Variants in ASIC2 observed in about 807,000 individuals in gnomAD.
The protein encoded by ASIC2 is acid-sensing ion channel 2.
In ASIC2, 25 loss-of-function variants were observed where a neutral mutation model predicts 57.3. The observed-to-expected ratio is 0.44, with a 90% CI of 0.32 to 0.61. The LOEUF (loss-of-function observed/expected upper bound fraction) is 0.61. Ranked by LOEUF, ASIC2 falls within the 20% of genes least tolerant of loss-of-function variation. The probability of loss-of-function intolerance (pLI) is 0.06; values close to 1 mark genes in which losing one functional copy is unlikely to be tolerated. For missense variants in ASIC2, 641 were observed against 738.1 expected (o/e 0.87, Z 1.52); for synonymous variants, 319 against 307.5 (o/e 1.04, Z -0.39).
chr17:33,530,437 G>T (rs1264367948), intron 1 of ASIC2, among the ~76,000 whole-genome samples: 1 of 152,246 alleles, frequency 6.6e-6, no homozygotes, highest in Non-Finnish European at 1.5e-5. Flanking sequence ...GGCAAGCAAG[G>T]GGAAGTCTTG....
At chr17:33,405,267 G>C (rs927829726) in intron 1 of ASIC2, among the ~76,000 whole-genome samples, 2 of 152,042 alleles carry the variant, frequency 1.3e-5, no homozygotes, top group African/African-American at 4.8e-5. Context: ...CATGGTAGGG[G>C]GCTGCTTTGG....
At chr17:33,756,577 G>A (rs1597863632) in intron 1 of ASIC2, among the ~76,000 whole-genome samples, 1 of 152,224 alleles carries the variant, frequency 6.6e-6, no homozygotes, top group African/African-American at 2.4e-5. Flanking sequence ...AAGAGCCAGG[G>A]CTTACCTTCT....
At chr17:33,521,228 A>G (rs554578361) in intron 1 of ASIC2, among the ~76,000 whole-genome samples, 213 of 152,134 alleles carry the variant, frequency 1.4e-3, no homozygotes, top group Non-Finnish European at 2.0e-3. Flanking sequence ...CTGGGTAAGC[A>G]GGGGCTCAAC....
At chr17:33,232,415 GT>G (rs1343994807) in intron 1 of ASIC2, among the ~76,000 whole-genome samples, 1 of 146,660 alleles carries the variant, frequency 6.8e-6, no homozygotes, top group Non-Finnish European at 1.5e-5. Context: ...GAATGGTATG[GT>G]ATGGTATGGT....
intron 1 of ASIC2, among the ~76,000 whole-genome samples, chr17:33,145,279 T>C (rs1261877499): frequency 1.3e-5 from 2 of 152,238 alleles, no homozygotes; most frequent in Non-Finnish European, 2.9e-5. Context: ...TTGATGGTCC[T>C]AGACTCCAGT....
chr17:33,260,280 T>C (rs1909230276), intron 1 of ASIC2, among the ~76,000 whole-genome samples: 1 of 152,068 alleles, frequency 6.6e-6, no homozygotes, highest in Admixed American at 6.5e-5. Flanking sequence ...TGGCTTTGTC[T>C]CCAAATGCTC....
At chr17:33,514,454 T>A (rs970181746) in intron 1 of ASIC2, among the ~76,000 whole-genome samples, 9 of 152,032 alleles carry the variant, frequency 5.9e-5, no homozygotes, top group Non-Finnish European at 1.3e-4. Flanking sequence ...TTGGGGGGAA[T>A]GTGGGAGGAA....
In ASIC2 at chr17:33,014,047, G is replaced by T. The variant is rs367596005; in HGVS notation, c.1610C>A (p.Pro537Gln). The T allele has an allele frequency of 3.2e-5, 51 of 1,601,670 alleles. No individual in the cohort carries two copies. The highest frequency in any genetic ancestry group is 4.3e-5 in the Non-Finnish European group (51 of 1,173,776). ...GTGACTGATGGTTTCAGAGTGGTTTGGCATTGTGTCACAAGTACTCTGGAA... is the reference window on the plus strand; with the variant it reads ...GTGACTGATGGTTTCAGAGTGGTTTTGCATTGTGTCACAAGTACTCTGGAA... ...DENVSTCDTM[P>Q]NHSETISHTV... The change falls in exon 10 of 10, where the codon CCA becomes CAA. Residue 537 changes from proline to glutamine, a missense_variant. Transcript: ENST00000225823.
chr17:33,809,062 T>A (rs1400624555), intron 1 of ASIC2, among the ~76,000 whole-genome samples: 1 of 152,228 alleles, frequency 6.6e-6, no homozygotes, highest in Non-Finnish European at 1.5e-5. Flanking sequence ...TACTCTGGGA[T>A]CAGTGGGTTC....
intron 1 of ASIC2, among the ~76,000 whole-genome samples, chr17:34,131,378 T>G (rs1911952947): frequency 6.6e-6 from 1 of 152,146 alleles, no homozygotes; most frequent in Non-Finnish European, 1.5e-5. Flanking sequence ...CTAAATAAAC[T>G]GCCAGCCCCC....
At chr17:33,755,022 A>AAC (rs1352916648) in intron 1 of ASIC2, among the ~76,000 whole-genome samples, 1 of 152,132 alleles carries the variant, frequency 6.6e-6, no homozygotes, top group Non-Finnish European at 1.5e-5. Context: ...CTTGTATAAC[A>AAC]AAAAGGACTT....
chr17:33,727,903 T>C (rs1328220388), intron 1 of ASIC2, among the ~76,000 whole-genome samples: 1 of 152,218 alleles, frequency 6.6e-6, no homozygotes, highest in African/African-American at 2.4e-5. Context: ...TTGTTCATAT[T>C]GTCTATCCAC....
intron 1 of ASIC2, among the ~76,000 whole-genome samples, chr17:33,781,554 A>G (rs1187871434): frequency 6.6e-6 from 1 of 152,158 alleles, no homozygotes; most frequent in African/African-American, 2.4e-5. Context: ...AGTAACAGTA[A>G]TGCATTTGGA....
At chr17:33,725,857 C>T (rs1439956391) in intron 1 of ASIC2, among the ~76,000 whole-genome samples, 1 of 152,036 alleles carries the variant, frequency 6.6e-6, no homozygotes, top group Non-Finnish European at 1.5e-5. Context: ...GCACAACCTT[C>T]TGCACTGACC....
At chr17:33,390,453 G>A (rs974262064) in intron 1 of ASIC2, among the ~76,000 whole-genome samples, 1 of 152,078 alleles carries the variant, frequency 6.6e-6, no homozygotes, top group Non-Finnish European at 1.5e-5. Flanking sequence ...GCAACAAATA[G>A]CCCCAAAATT....
intron 1 of ASIC2, among the ~76,000 whole-genome samples, chr17:33,928,493 C>G (rs150028805): frequency 6.6e-6 from 1 of 152,350 alleles, no homozygotes; most frequent in African/African-American, 2.4e-5. Flanking sequence ...ATGACCCACT[C>G]TTTGGTTGGA....
At chr17:33,125,977 T>C (rs1319683166) in intron 1 of ASIC2, among the ~76,000 whole-genome samples, 1 of 152,216 alleles carries the variant, frequency 6.6e-6, no homozygotes, top group African/African-American at 2.4e-5. Flanking sequence ...TGCATTAACC[T>C]GAGTGTGGGT....
chr17:33,419,049 T>G (rs755088092), intron 1 of ASIC2, among the ~76,000 whole-genome samples: 1 of 152,168 alleles, frequency 6.6e-6, no homozygotes, highest in Non-Finnish European at 1.5e-5. Context: ...CGTATATACC[T>G]ATGTAAGAAA....
rs571018714 is a variant in ASIC2, at chr17:33,356,560, G to T, written c.556-244493C>A. Among the ~76,000 whole-genome samples, 15 of 152,218 alleles carry T rather than the reference G, an allele frequency of 9.9e-5. 1 individual carries two copies. The South Asian group carries it at 2.9e-3, about 30-fold the overall frequency. On this transcript the variant is annotated intron_variant, in intron 1 of 9. Coordinates refer to the ASIC2 transcript ENST00000359872. ...CTCCACCATAATTACTATCTTCTGT[G>T]TGCCACCTGGATGGAGCAGGAAGGG...
Sources: gnomAD v4.1 joint callset for allele counts (sites outside exome capture counted in the v4.1 genomes callset) on GRCh38, gnomAD v4.1.1 for gene constraint, MANE v1.5 for transcripts, NCBI Gene and HGNC (gene_info 2026-07-23, HGNC 2026-07-21) for gene names.